HIVEP3: variants seen among roughly 807,000 people sequenced by gnomAD.
The protein encoded by HIVEP3 is HIVEP zinc finger 3, also known as transcription factor HIVEP3.
In HIVEP3, 49 loss-of-function variants were observed where a neutral mutation model predicts 152.8. The observed-to-expected ratio is 0.32, with a 90% CI of 0.26 to 0.41. The LOEUF is 0.41. Among genes scored for constraint, HIVEP3 ranks in the 10% least tolerant of loss-of-function variants. The pLI, the probability that HIVEP3 is intolerant of heterozygous loss-of-function variation, is 1.00. For synonymous variants in HIVEP3, 1,269 were observed against 1,289.0 expected, an observed-to-expected ratio of 0.98 and a Z score of 0.33; for missense variants, 2,790 against 3,103.3, an observed-to-expected ratio of 0.90 and a Z score of 2.40.
At chr1:41,843,542 CCT>C (rs1412694579) in intron 1 of HIVEP3, among the ~76,000 whole-genome samples, 1 of 151,916 alleles carries the variant, frequency 6.6e-6, no homozygotes, top group Non-Finnish European at 1.5e-5. Context: ...CTTCTGTTGC[CCT>C]GTTTCACAGC....
intron 1 of HIVEP3, among the ~76,000 whole-genome samples, chr1:41,881,060 G>T (rs532900134): frequency 2.4e-4 from 37 of 152,244 alleles, no homozygotes; most frequent in South Asian, 8.3e-4. Flanking sequence ...CCCACTAAAG[G>T]CCTCTTTGGA....
At chr1:41,718,067 C>T (rs1646621105) in intron 1 of HIVEP3, among the ~76,000 whole-genome samples, 1 of 152,254 alleles carries the variant, frequency 6.6e-6, no homozygotes, top group Admixed American at 6.5e-5. Flanking sequence ...TGACCGGTAT[C>T]TTAGCATCCA....
chr1:41,690,499 C>G (rs183456111), intron 2 of HIVEP3, among the ~76,000 whole-genome samples: 101 of 152,360 alleles, frequency 6.6e-4, no homozygotes, highest in African/African-American at 2.2e-3. Flanking sequence ...CTGGTGCACC[C>G]TTGCCACTGC....
intron 5 of HIVEP3, among the ~76,000 whole-genome samples, chr1:41,530,119 C>A (rs1475146084): frequency 2.0e-5 from 3 of 152,122 alleles, no homozygotes; most frequent in Admixed American, 1.3e-4. Flanking sequence ...TTTTTTGTCA[C>A]CTCAGATTTG....
intron 1 of HIVEP3, among the ~76,000 whole-genome samples, chr1:41,862,222 G>A (rs1041366698): frequency 9.9e-5 from 15 of 152,168 alleles, no homozygotes; most frequent in Non-Finnish European, 1.9e-4. Flanking sequence ...ATCCACCAAT[G>A]AAATGGCTGT....
rs527337940 is a variant in HIVEP3, at chr1:41,867,656, C to T, written c.-801+50757G>A. ...TGCTTAACCTTGGAAGCACAAGGCCCTGCTGGCCTCACCTCAAGGTCTCAC... is the reference window on the plus strand; with the variant it reads ...TGCTTAACCTTGGAAGCACAAGGCCTTGCTGGCCTCACCTCAAGGTCTCAC... On this transcript the variant is annotated intron_variant, in intron 1 of 8. Transcript: ENST00000372583. Among the ~76,000 whole-genome samples the T allele has an allele frequency of 3.9e-5, 6 of 152,356 alleles. No homozygotes were observed. The East Asian group carries it at 1.2e-3, about 29-fold the overall frequency.
chr1:41,647,915 G>A (rs1645485827), intron 2 of HIVEP3, among the ~76,000 whole-genome samples: 1 of 152,208 alleles, frequency 6.6e-6, no homozygotes, highest in Non-Finnish European at 1.5e-5. Flanking sequence ...GTGAGGCCCT[G>A]CCTGGTGGGC....
At chr1:41,661,208 T>C (rs1008678632) in intron 2 of HIVEP3, among the ~76,000 whole-genome samples, 2 of 152,204 alleles carry the variant, frequency 1.3e-5, no homozygotes, top group African/African-American at 2.4e-5. Flanking sequence ...GATAGACCCA[T>C]AATTTGGCTC....
chr1:41,609,045 G>T (rs985675998), intron 3 of HIVEP3, among the ~76,000 whole-genome samples: 7 of 151,092 alleles, frequency 4.6e-5, no homozygotes, highest in Admixed American at 2.0e-4. Context: ...GGCAACAAGA[G>T]TGAAACTCCG....
Position 41,580,279 on chromosome 1 carries a change from A to G in HIVEP3, c.4519T>C (p.Ser1507Pro). 1 of 1,614,102 alleles carries G rather than the reference A, an allele frequency of 6.2e-7. No homozygotes were observed. The highest frequency in any genetic ancestry group is 8.5e-7 in the Non-Finnish European group (1 of 1,179,992). Residue 1507 changes from serine (S) to proline (P), a missense_variant, in exon 4 of 9, where the codon TCT becomes CCT. Physicochemically the swap from Ser to Pro is moderately conservative, Grantham distance 74. This residue lies in a region of HIVEP3 where 1,078 missense variants were observed against 1,165.3 expected (regional missense o/e 0.93). Transcript: ENST00000372583. The part of the protein sequence containing the change: ...EMLSSLSSDP[S>P]DTKEIPPLPH... ...AGGGGAGGAATTTCCTTTGTGTCAG[A>G]TGGATCTGAGGACAGGCTGGACAGC...
intron 1 of HIVEP3, among the ~76,000 whole-genome samples, chr1:41,917,263 C>T (rs1644885407): frequency 6.6e-6 from 1 of 152,078 alleles, no homozygotes; most frequent in African/African-American, 2.4e-5. Flanking sequence ...CCATGCAGAT[C>T]AGTTCAGCAA....
intron 1 of HIVEP3, among the ~76,000 whole-genome samples, chr1:41,924,513 T>C (rs1298542578): frequency 6.6e-6 from 1 of 152,142 alleles, no homozygotes; most frequent in Non-Finnish European, 1.5e-5. Flanking sequence ...ACAAGTCACA[T>C]GCAAGGAGAT....
chr1:41,998,990 G>C (rs566691921), intron 1 of HIVEP3, among the ~76,000 whole-genome samples: 113 of 134,220 alleles, frequency 8.4e-4, no homozygotes, highest in African/African-American at 3.1e-3. Flanking sequence ...CCACCTCCCA[G>C]GTTCAAGTGA....
At chr1:41,545,057 CACT>C (rs879036519) in intron 5 of HIVEP3, among the ~76,000 whole-genome samples, 3 of 123,592 alleles carry the variant, frequency 2.4e-5, no homozygotes, top group South Asian at 2.9e-4. Context: ...CCACCACCAT[CACT>C]ACCACCACCA....
chr1:41,551,622 C>T lies in HIVEP3; in HGVS notation c.5207+23922G>A, dbSNP rs914197252. On this transcript the variant is annotated intron_variant, in intron 5 of 8. Transcript: ENST00000372583. Reference sequence around the variant, plus strand: ...TTAGTCTTGGGAGGGTGTATGTGTCCAGGAATTTATCCATTTCTTCTAGAT... The same window carrying T: ...TTAGTCTTGGGAGGGTGTATGTGTCTAGGAATTTATCCATTTCTTCTAGAT... Among the ~76,000 whole-genome samples the T allele has an allele frequency of 3.9e-5, 6 of 152,056 alleles. No individual in the cohort carries two copies. The East Asian group carries it at 1.2e-3, about 29-fold the overall frequency.
intron 1 of HIVEP3, among the ~76,000 whole-genome samples, chr1:41,833,656 A>T (rs1442399627): frequency 6.6e-6 from 1 of 152,176 alleles, no homozygotes; most frequent in Non-Finnish European, 1.5e-5. Context: ...GGAGCTGGAC[A>T]TGGCTCCAGA....
intron 1 of HIVEP3, among the ~76,000 whole-genome samples, chr1:41,737,498 CT>C (rs1646936914): frequency 6.6e-6 from 1 of 152,208 alleles, no homozygotes; most frequent in Non-Finnish European, 1.5e-5. Context: ...GAGCATACCC[CT>C]GTCATTGGGT....
intron 1 of HIVEP3, among the ~76,000 whole-genome samples, chr1:41,863,698 T>C (rs1163406993): frequency 6.6e-6 from 1 of 152,240 alleles, no homozygotes; most frequent in Non-Finnish European, 1.5e-5. Context: ...ATAAGATCTG[T>C]ACATTTCACT....
intron 5 of HIVEP3, among the ~76,000 whole-genome samples, chr1:41,530,510 G>A (rs1311896216): frequency 6.6e-6 from 1 of 152,202 alleles, no homozygotes; most frequent in Non-Finnish European, 1.5e-5. Flanking sequence ...GCTAGAAGAA[G>A]ACAGAGTGAG....
Sources: gnomAD v4.1 joint callset for allele counts (sites outside exome capture counted in the v4.1 genomes callset) on GRCh38, gnomAD v4.1.1 for gene constraint, gnomAD v4.1.1 regional missense constraint, MANE v1.5 for transcripts, NCBI Gene and HGNC (gene_info 2026-07-23, HGNC 2026-07-21) for gene names.